The following NOD2 variants were observed in gnomAD, a reference collection of about 807,000 sequenced individuals.
NOD2 encodes the protein nucleotide binding oligomerization domain containing 2, also known as nucleotide-binding oligomerization domain-containing protein 2.
In NOD2, 86 loss-of-function variants were observed where a neutral mutation model predicts 90.9. The observed-to-expected ratio is 0.95, with a 90% CI of 0.79 to 1.13. The LOEUF is 1.13. Among genes scored for constraint, NOD2 ranks in the 50% most tolerant of loss-of-function variants. The probability of loss-of-function intolerance (pLI) is 0.00; values close to 1 mark genes in which losing one functional copy is unlikely to be tolerated. For missense variants in NOD2, 1,238 were observed against 1,283.8 expected, an observed-to-expected ratio of 0.96 and a Z score of 0.55; for synonymous variants, 581 against 554.6, an observed-to-expected ratio of 1.05 and a Z score of -0.67.
Position 50,699,576 on chromosome 16 carries a change from G to A in NOD2, c.81G>A (p.Glu27=), listed in dbSNP as rs1422300362. 1.9e-6 allele frequency: 3 copies of A among 1,614,106 alleles called. No individual in the cohort carries two copies. Among genetic ancestry groups the A allele is most frequent in the Non-Finnish European group, 2.5e-6 (3 of 1,179,968 alleles). Residue 27 remains glutamate (E), a synonymous_variant, in exon 2 of 12, where the codon GAG becomes GAA. Coordinates refer to ENST00000647318, the MANE Select transcript of NOD2 (RefSeq NM_001370466.1). ...TCTCAGGGTCCCTGGAAGGCTTCGA[G>A]AGTGTCCTGGACTGGCTGCTGTCCT... The part of the protein sequence containing the change: ...LLVSGSLEGF[E]SVLDWLLSWE...
intron 10 of NOD2, chr16:50,728,374 G>A (rs552728082): frequency 4.4e-5 from 15 of 344,534 alleles, no homozygotes; most frequent in African/African-American, 1.3e-4. Context: ...AGTTGTCTCC[G>A]CTGCTTTACA....
At position 50,711,779 on chromosome 16, in the gene NOD2, C is replaced by A; in HGVS notation, c.1787C>A (p.Pro596Gln). 1 of 1,614,236 alleles carries A rather than the reference C, an allele frequency of 6.2e-7. No homozygotes were observed. Among genetic ancestry groups the A allele is most frequent in the Non-Finnish European group, 8.5e-7 (1 of 1,180,036 alleles). Reference sequence around the variant, plus strand: ...CTGGCACTCAGTGCTGATGTGCCACCAGCTTTGCTCAGACACCTCTTCAAT... The same window carrying A: ...CTGGCACTCAGTGCTGATGTGCCACAAGCTTTGCTCAGACACCTCTTCAAT... ...FYLALSADVP[P>Q]ALLRHLFNCG... Residue 596 changes from proline to glutamine, a missense_variant, in exon 4 of 12, where the codon CCA becomes CAA. By Grantham distance (76) the Pro-to-Gln change is moderately conservative (BLOSUM62 -1). Transcript: ENST00000647318.
rs149117350 is a variant in NOD2 at position 50,731,042 on chromosome 16, C to T, written c.2970-705C>T. Among the ~76,000 whole-genome samples, 1,279 of 152,132 alleles carry T rather than the reference C, an allele frequency of 8.4e-3. 11 individuals carry two copies. The highest frequency in any genetic ancestry group is 0.029 in the African/African-American group (1,215 of 41,482). On this transcript the variant is annotated intron_variant, in intron 11 of 11. Transcript: ENST00000647318. ...AAAAAATAAAAAATTCAGCTGGGTG[C>T]GGTGTAGTTCCTAGCCACTTGGGAG...
chr16:50,698,863 C>G (rs1963787489), intron 1 of NOD2, among the ~76,000 whole-genome samples: 1 of 152,106 alleles, frequency 6.6e-6, no homozygotes, highest in African/African-American at 2.4e-5. Context: ...GAAAGAGCCC[C>G]TCTCACCCTG....
At chr16:50,699,407 G>A in intron 1 of NOD2, 81 bp from the exon 2 acceptor site, 2 of 1,184,092 alleles carry the variant, frequency 1.7e-6, no homozygotes, top group Admixed American at 3.4e-5. Context: ...TTCTGCTGGG[G>A]CTGACTTGCC....
At chr16:50,707,667 T>C (rs543428760) in intron 2 of NOD2, among the ~76,000 whole-genome samples, 188 bp from the exon 3 acceptor site, 5 of 152,348 alleles carry the variant, frequency 3.3e-5, no homozygotes, top group African/African-American at 1.2e-4. Flanking sequence ...CCAGATTGGA[T>C]GCATGCGTTC....
intron 1 of NOD2, among the ~76,000 whole-genome samples, chr16:50,695,145 G>A (rs1252046567): frequency 6.6e-6 from 1 of 151,208 alleles, no homozygotes; most frequent in Admixed American, 6.6e-5. Flanking sequence ...GCTGTGGGGT[G>A]GAGAATGGAT....
At chr16:50,709,843 T>A (rs1964377727) in intron 3 of NOD2, 1 of 423,660 alleles carries the variant, frequency 2.4e-6, no homozygotes, top group Non-Finnish European at 4.8e-6. Context: ...TAAGCACCAT[T>A]TTTTGAGAGT....
chr16:50,707,782 A>T, intron 2 of NOD2, 73 bp from the exon 3 acceptor site: 1 of 989,356 alleles, frequency 1.0e-6, no homozygotes, highest in Non-Finnish European at 1.6e-6. Context: ...ATGAAGTTGC[A>T]GTAATCAGTA....
intron 11 of NOD2, among the ~76,000 whole-genome samples, chr16:50,731,536 G>T (rs539479309): frequency 7.2e-5 from 11 of 152,290 alleles, no homozygotes; most frequent in Non-Finnish European, 1.3e-4. Flanking sequence ...GACTCTCTCT[G>T]CAGAGTCATG....
intron 3 of NOD2, among the ~76,000 whole-genome samples, chr16:50,709,691 C>T (rs1964371101): frequency 6.6e-6 from 1 of 152,148 alleles, no homozygotes; most frequent in African/African-American, 2.4e-5. Context: ...GATCATCTCC[C>T]CATCTCGAAG....
intron 4 of NOD2, chr16:50,713,182 A>AG (rs1239821482): frequency 6.6e-6 from 1 of 152,382 alleles, no homozygotes; most frequent in Non-Finnish European, 1.5e-5. Context: ...CCAGCTTGAA[A>AG]GGGGATTGCC....
At position 50,716,880 on chromosome 16, in the gene NOD2, G is replaced by A. The variant is rs5743285; in HGVS notation, c.2466-11G>A. On this transcript the variant is annotated splice_polypyrimidine_tract_variant and intron_variant, in intron 5 of 11. Transcript: ENST00000647318. ...TTGCTTCTGTGTCTCCTCTCTTCTG[G>A]AACTGAACAGTCTATTCAACAACAA... is the stretch of plus-strand genomic sequence containing the variant. 2 of 1,613,524 alleles carry A rather than the reference G, an allele frequency of 1.2e-6. No individual in the cohort carries two copies. Among genetic ancestry groups the A allele is most frequent in the Non-Finnish European group, 1.7e-6 (2 of 1,179,420 alleles).
chr16:50,728,559 T>G (rs891469971), intron 10 of NOD2: 1 of 157,736 alleles, frequency 6.3e-6, no homozygotes, highest in Non-Finnish European at 1.4e-5. Flanking sequence ...TATTTAAGAA[T>G]GTATTCCAAT....
rs1965466001 is a variant in NOD2 at position 50,731,801 on chromosome 16, C to T, written c.3024C>T (p.Asp1008=). ...AGGTTGACAAGCTCGGCTGCAGGGA[C>T]ACCAGACTCTTGCTTTGAAGTCTCC... ...LEEVDKLGCR[D]TRLLL is the part of the protein sequence containing the mutation. Residue 1008 remains aspartate (D), a synonymous_variant, in exon 12 of 12, where the codon GAC becomes GAT. Transcript: ENST00000647318. 4 of 1,613,438 alleles carry T rather than the reference C, an allele frequency of 2.5e-6. No homozygotes were observed. The highest frequency in any genetic ancestry group is 3.3e-5 in the Admixed American group (2 of 59,996).
intron 3 of NOD2, chr16:50,710,114 A>G: frequency 2.3e-6 from 1 of 433,652 alleles, no homozygotes; most frequent in Non-Finnish European, 4.6e-6. Context: ...GGATTTATCC[A>G]AAGCCACCCG....
intron 1 of NOD2, among the ~76,000 whole-genome samples, chr16:50,699,129 T>C (rs183866622): frequency 0.011 from 1,663 of 152,226 alleles, 21 homozygotes; most frequent in African/African-American, 0.031. Context: ...CGTTTCACCG[T>C]GTTGGCCGGG....
At chr16:50,707,201 A>G (rs999921113) in intron 2 of NOD2, among the ~76,000 whole-genome samples, 3 of 152,236 alleles carry the variant, frequency 2.0e-5, no homozygotes, top group African/African-American at 7.2e-5. Flanking sequence ...CCTTTTTGGG[A>G]CATGCTTTGA....
At position 50,731,988 on chromosome 16, in the gene NOD2, G is replaced by T; in HGVS notation, c.*169G>T. 1.5e-6 allele frequency: 1 copy of T among 673,004 alleles called. No homozygotes were observed. Among genetic ancestry groups the T allele is most frequent in the Non-Finnish European group, 2.7e-6 (1 of 367,434 alleles). 41.7% of individuals were successfully genotyped at this position (673,004 alleles called of 1,614,324 possible). A position where few individuals can be genotyped will look rare whatever the true frequency, so the allele number is the denominator to read the frequency against. On this transcript the variant is annotated 3_prime_UTR_variant, in exon 12 of 12. Coordinates refer to ENST00000647318, the MANE Select transcript of NOD2 (RefSeq NM_001370466.1). ...AGGTCACCTTTATTCTGGCAGAGGAGGGAGCATCAGTGCCCTCCAGGATAG... is the reference window on the plus strand; with the variant it reads ...AGGTCACCTTTATTCTGGCAGAGGATGGAGCATCAGTGCCCTCCAGGATAG...
Sources: gnomAD v4.1 joint callset for allele counts (sites outside exome capture counted in the v4.1 genomes callset) on GRCh38, gnomAD v4.1.1 for gene constraint, MANE v1.5 for transcripts, NCBI Gene and HGNC (gene_info 2026-07-23, HGNC 2026-07-21) for gene names.